GAS7: variants seen among roughly 807,000 people sequenced by gnomAD.
GAS7 encodes growth arrest specific 7.
GAS7 carries 28 observed loss-of-function variants against 71.1 expected under a neutral mutation model. The ratio of observed to expected loss-of-function variants is 0.39; its 90% CI spans 0.29 to 0.54. GAS7 has a LOEUF of 0.54. Ranked by LOEUF, GAS7 falls within the 20% of genes least tolerant of loss-of-function variation. The pLI, the probability that GAS7 is intolerant of heterozygous loss-of-function variation, is 0.62. For missense variants in GAS7, 436 were observed against 627.8 expected, an observed-to-expected ratio of 0.69 and a Z score of 3.27; for synonymous variants, 258 against 245.8, an observed-to-expected ratio of 1.05 and a Z score of -0.46.
At chr17:10,025,644 C>T (rs1049686187) in intron 1 of GAS7, among the ~76,000 whole-genome samples, 3 of 151,630 alleles carry the variant, frequency 2.0e-5, no homozygotes, top group Non-Finnish European at 4.4e-5. Context: ...AAAAACAAAT[C>T]CCCCCACAGC....
chr17:10,158,337 A>T (rs72810910), intron 1 of GAS7, among the ~76,000 whole-genome samples: 42 of 28,138 alleles, frequency 1.5e-3, no homozygotes, highest in African/African-American at 4.3e-3. Flanking sequence ...TTTTTTTGGT[A>T]AAAAAAAAAA....
chr17:10,030,911 C>CCA lies in GAS7; in HGVS notation c.184-11016_184-11015dup, dbSNP rs529020815. 5.3e-5 allele frequency among the ~76,000 whole-genome samples: 8 copies of CCA among 152,344 alleles called. No homozygotes were observed. The South Asian group carries it at 1.7e-3, about 32-fold the overall frequency. On this transcript the variant is annotated intron_variant, in intron 1 of 13. Coordinates refer to ENST00000432992, the MANE Select transcript of GAS7 (RefSeq NM_201433.2). Reference sequence around the variant, plus strand: ...TCCAAAAGTGACTCGCTTGGGCTCCCCAACCAGGTTGCAACTCCAGTCGCC... The same window carrying CCA: ...TCCAAAAGTGACTCGCTTGGGCTCCCCACAACCAGGTTGCAACTCCAGTCGCC...
At chr17:10,055,570 C>T (rs1477745133) in intron 1 of GAS7, among the ~76,000 whole-genome samples, 2 of 152,220 alleles carry the variant, frequency 1.3e-5, no homozygotes, top group Admixed American at 1.3e-4. Flanking sequence ...CCTCCCTTTC[C>T]AGGTTGGCCA....
intron 5 of GAS7, among the ~76,000 whole-genome samples, chr17:9,956,299 A>G (rs1208679792): frequency 6.6e-6 from 1 of 152,176 alleles, no homozygotes; most frequent in Non-Finnish European, 1.5e-5. Flanking sequence ...GAGAGGAACA[A>G]GCCAGCCCCG....
At chr17:10,138,983 T>C (rs1016604886) in intron 1 of GAS7, among the ~76,000 whole-genome samples, 13 of 152,204 alleles carry the variant, frequency 8.5e-5, no homozygotes, top group Non-Finnish European at 1.9e-4. Context: ...CATCATTTGA[T>C]AAAATCCCAC....
intron 1 of GAS7, among the ~76,000 whole-genome samples, chr17:10,045,321 T>C (rs546664901): frequency 2.0e-5 from 3 of 152,156 alleles, no homozygotes; most frequent in Non-Finnish European, 4.4e-5. Context: ...TCCCGTGAGG[T>C]GACTGCAGCC....
intron 1 of GAS7, among the ~76,000 whole-genome samples, chr17:10,194,468 A>G (rs2074525353): frequency 6.6e-6 from 1 of 152,190 alleles, no homozygotes; most frequent in Non-Finnish European, 1.5e-5. Flanking sequence ...TTTCCCCAGG[A>G]TGGAGATCTA....
rs182942755 is a variant in GAS7 at position 10,044,268 on chromosome 17, T to C, written c.184-24371A>G. Among the ~76,000 whole-genome samples the C allele has an allele frequency of 2.0e-3, 304 of 152,334 alleles. 1 individual carries two copies. Among genetic ancestry groups the C allele is most frequent in the African/African-American group, 7.0e-3 (293 of 41,572 alleles). On this transcript the variant is annotated intron_variant, in intron 1 of 13. Coordinates refer to ENST00000432992, the MANE Select transcript of GAS7 (RefSeq NM_201433.2). ...TTACATTTTACTGCGATACCCAATT[T>C]ACTGGAGTGATGAACTGTTCATCCA...
intron 1 of GAS7, among the ~76,000 whole-genome samples, chr17:10,071,327 C>T (rs900859920): frequency 2.0e-5 from 3 of 152,146 alleles, no homozygotes; most frequent in African/African-American, 7.2e-5. Flanking sequence ...TGGGAAGATG[C>T]GAATCACCCT....
At chr17:10,033,008 A>T (rs1203045841) in intron 1 of GAS7, among the ~76,000 whole-genome samples, 1 of 152,188 alleles carries the variant, frequency 6.6e-6, no homozygotes, top group Non-Finnish European at 1.5e-5. Context: ...CCTTTGCCAC[A>T]GGTCCCTGTT....
At chr17:10,124,050 T>C (rs1255989145) in intron 1 of GAS7, among the ~76,000 whole-genome samples, 1 of 152,190 alleles carries the variant, frequency 6.6e-6, no homozygotes, top group Non-Finnish European at 1.5e-5. Flanking sequence ...GGCACAGTCG[T>C]GCTCTATTCT....
chr17:9,911,176 G>A lies in GAS7; in HGVS notation c.*6052C>T, dbSNP rs541765620. On this transcript the variant is annotated 3_prime_UTR_variant, in exon 14 of 14. Transcript: ENST00000432992. The surrounding 1 kb of genome is among the most constrained non-coding windows in gnomAD (Gnocchi z 4.0). The stretch of plus-strand genomic sequence containing the variant: ...CAGCTGCCTGGAACCCACGACTCCC[G>A]AGAGCCCGTCTGCTGCAGGTGATGC... 20 of 233,260 alleles carry A rather than the reference G, an allele frequency of 8.6e-5. No individual in the cohort carries two copies. In the Middle Eastern group the frequency reaches 3.8e-3, roughly 45 times the overall value. The allele number at this position is 233,260 out of a possible 1,614,324, so 14.4% of individuals were successfully genotyped here. A position where few individuals can be genotyped will look rare whatever the true frequency, so the allele number is the denominator to read the frequency against.
chr17:9,982,830 A>AAAGG (rs1302254962), intron 2 of GAS7, among the ~76,000 whole-genome samples: 6 of 131,756 alleles, frequency 4.6e-5, no homozygotes, highest in South Asian at 2.6e-4. Flanking sequence ...GAAAGGAAAG[A>AAAGG]AAGAAAGAAA....
Position 9,991,878 on chromosome 17 carries a change from G to A in GAS7, c.305-9994C>T, listed in dbSNP as rs2070856322. Among the ~76,000 whole-genome samples the A allele has an allele frequency of 2.6e-5, 4 of 151,736 alleles. 1 individual carries two copies. On this transcript the variant is annotated intron_variant, in intron 2 of 13. Transcript: ENST00000432992. ...CATCTTATGGTTGAGAAACTGAGAAGACACCTTATCGAATCCAAAGCCTGG... is the reference window on the plus strand; with the variant it reads ...CATCTTATGGTTGAGAAACTGAGAAAACACCTTATCGAATCCAAAGCCTGG...
Position 9,913,499 on chromosome 17 carries a change from A to T in GAS7, c.*3729T>A. On this transcript the variant is annotated 3_prime_UTR_variant, in exon 14 of 14. Coordinates refer to ENST00000432992, the MANE Select transcript of GAS7 (RefSeq NM_201433.2). ...TTCTGCATCCATCCACTCATCTAGTAATTGATTGGTTTTCACAAAGGGTAG... is the reference window on the plus strand; with the variant it reads ...TTCTGCATCCATCCACTCATCTAGTTATTGATTGGTTTTCACAAAGGGTAG... 4.3e-6 allele frequency: 1 copy of T among 232,414 alleles called. No individual in the cohort carries two copies. The allele number at this position is 232,414 out of a possible 1,614,324, so 14.4% of individuals were successfully genotyped here.
At chr17:10,101,876 G>T (rs10491092) in intron 1 of GAS7, among the ~76,000 whole-genome samples, 22,701 of 152,072 alleles carry the variant, frequency 0.15, 2,080 homozygotes, top group East Asian at 0.31. Context: ...CTTCTGCCCT[G>T]GTTCTTGGCC....
At chr17:10,170,523 T>A (rs2074328420) in intron 1 of GAS7, among the ~76,000 whole-genome samples, 1 of 152,222 alleles carries the variant, frequency 6.6e-6, no homozygotes, top group African/African-American at 2.4e-5. Flanking sequence ...CCATCGTATC[T>A]TCCAGGGCTT....
intron 1 of GAS7, among the ~76,000 whole-genome samples, chr17:10,132,529 G>A (rs1016822475): frequency 2.0e-5 from 3 of 152,228 alleles, no homozygotes; most frequent in Admixed American, 2.0e-4. Context: ...ACTTTGGGAG[G>A]CCGAGGTGGG....
chr17:10,144,839 C>T (rs796246252), intron 1 of GAS7, among the ~76,000 whole-genome samples: 1 of 152,180 alleles, frequency 6.6e-6, no homozygotes, highest in Non-Finnish European at 1.5e-5. Flanking sequence ...TGAGCCACTG[C>T]GCCTGGCCAG....
Sources: gnomAD v4.1 joint callset for allele counts (sites outside exome capture counted in the v4.1 genomes callset) on GRCh38, gnomAD v4.1.1 for gene constraint, Gnocchi (gnomAD v3.1) non-coding constraint, MANE v1.5 for transcripts, NCBI Gene and HGNC (gene_info 2026-07-23, HGNC 2026-07-21) for gene names.